Variants in KIZ observed in about 807,000 individuals in gnomAD.
The protein encoded by KIZ is centrosomal protein kizuna.
In KIZ, 68 loss-of-function variants were observed where a neutral mutation model predicts 79.6. The observed-to-expected ratio is 0.85, with a 90% CI of 0.70 to 1.05. The LOEUF (loss-of-function observed/expected upper bound fraction) is 1.05, where lower values mean the gene tolerates loss of function less well. KIZ is among the 50% of genes least tolerant of loss of function. The probability of loss-of-function intolerance (pLI) is 0.00; values close to 1 mark genes in which losing one functional copy is unlikely to be tolerated. For missense variants in KIZ, 797 were observed against 800.4 expected (o/e 1.00, Z 0.05); for synonymous variants, 280 against 281.8 (o/e 0.99, Z 0.06).
At position 21,164,080 on chromosome 20, in the gene KIZ, C is replaced by T. The variant is rs79960972; in HGVS notation, c.1352+921C>T. Among the ~76,000 whole-genome samples, 19 of 152,342 alleles carry T rather than the reference C, an allele frequency of 1.2e-4. No homozygotes were observed. In the South Asian group the frequency reaches 3.5e-3, roughly 28 times the overall value. ...GCCTGTCTGCCTGAATGTCACACCA[C>T]TGCCCCACCCCCAGAATTTTCTGTT... On this transcript the variant is annotated intron_variant, in intron 6 of 12. Coordinates refer to ENST00000619189, the MANE Select transcript of KIZ (RefSeq NM_018474.6).
chr20:21,224,492 G>A (rs2036599623), intron 9 of KIZ, among the ~76,000 whole-genome samples: 1 of 152,218 alleles, frequency 6.6e-6, no homozygotes, highest in Non-Finnish European at 1.5e-5. Flanking sequence ...GAGAAATTCA[G>A]TGGACAGAGA....
intron 4 of KIZ, 98 bp from the exon 5 acceptor site, chr20:21,161,773 G>T: frequency 1.3e-6 from 1 of 763,034 alleles, no homozygotes. Context: ...CAATAATCAT[G>T]CTTTGTTTGA....
In KIZ at chr20:21,168,594, T is replaced by C. The variant is rs189203846; in HGVS notation, c.1352+5435T>C. Reference sequence around the variant, plus strand: ...TTGGAAAAAACTACTTTAAAGTTCATATAGAACCAAAAGAGAGCCCGCATC... The same window carrying C: ...TTGGAAAAAACTACTTTAAAGTTCACATAGAACCAAAAGAGAGCCCGCATC... On this transcript the variant is annotated intron_variant, in intron 6 of 12. Transcript: ENST00000619189. Among the ~76,000 whole-genome samples the C allele has an allele frequency of 1.5e-3, 228 of 152,278 alleles. 1 individual carries two copies. The highest frequency in any genetic ancestry group is 2.7e-3 in the Non-Finnish European group (187 of 68,022).
In KIZ at chr20:21,130,313, G is replaced by A. The variant is rs143608093; in HGVS notation, c.90-1784G>A. On this transcript the variant is annotated intron_variant, in intron 1 of 12. Coordinates refer to ENST00000619189, the MANE Select transcript of KIZ (RefSeq NM_018474.6). ...GGTGTCTCATTACCAGACTGCAGTCGTGCTTTCTTAGGAATACAACAGAAA... is the reference window on the plus strand; with the variant it reads ...GGTGTCTCATTACCAGACTGCAGTCATGCTTTCTTAGGAATACAACAGAAA... 5.1e-3 allele frequency among the ~76,000 whole-genome samples: 772 copies of A among 152,252 alleles called. 10 individuals carry two copies. The highest frequency in any genetic ancestry group is 0.017 in the African/African-American group (701 of 41,532).
chr20:21,173,593 A>G (rs868556009), intron 6 of KIZ, among the ~76,000 whole-genome samples: 70 of 144,112 alleles, frequency 4.9e-4, no homozygotes, highest in Admixed American at 8.5e-4. Flanking sequence ...AAAAAAAAAA[A>G]AAAGAAAGAA....
At chr20:21,181,230 CAA>C (rs2034642123) in intron 6 of KIZ, among the ~76,000 whole-genome samples, 1 of 152,170 alleles carries the variant, frequency 6.6e-6, no homozygotes, top group African/African-American at 2.4e-5. Flanking sequence ...TCAGGGTCTG[CAA>C]AGTGTCTTTT....
chr20:21,213,331 C>T (rs2036151087), intron 7 of KIZ, among the ~76,000 whole-genome samples: 1 of 152,236 alleles, frequency 6.6e-6, no homozygotes, highest in Non-Finnish European at 1.5e-5. Flanking sequence ...GGAGTGTCTT[C>T]ACCTTGTTTC....
intron 3 of KIZ, among the ~76,000 whole-genome samples, chr20:21,143,809 A>G (rs1425687756): frequency 6.6e-6 from 1 of 152,164 alleles, no homozygotes; most frequent in African/African-American, 2.4e-5. Context: ...GCGCTGTGGA[A>G]AACTCCTGCT....
rs192323447 is a variant in KIZ, at chr20:21,176,198, T to G, written c.1352+13039T>G. ...GGTGGCGGGTGCCTGTAATTCCAGC[T>G]ACTTGAGAGGCTGAGGCACAAGAAT... On this transcript the variant is annotated intron_variant, in intron 6 of 12. Coordinates refer to ENST00000619189, the MANE Select transcript of KIZ (RefSeq NM_018474.6). Among the ~76,000 whole-genome samples the G allele has an allele frequency of 2.1e-3, 322 of 152,200 alleles. 1 individual carries two copies. Among genetic ancestry groups the G allele is most frequent in the African/African-American group, 7.4e-3 (309 of 41,522 alleles).
chr20:21,185,972 A>G (rs780099909), intron 6 of KIZ, among the ~76,000 whole-genome samples: 118 of 152,252 alleles, frequency 7.8e-4, no homozygotes, highest in East Asian at 5.8e-4. Context: ...CACCTGCTAT[A>G]TAGTTTGCCT....
At chr20:21,187,800 T>C (rs2034948271) in intron 6 of KIZ, among the ~76,000 whole-genome samples, 3 of 152,226 alleles carry the variant, frequency 2.0e-5, no homozygotes. Flanking sequence ...TAGAGTTTAA[T>C]GATAGAACTG....
intron 2 of KIZ, 95 bp downstream of exon 2, chr20:21,132,254 G>C: frequency 4.6e-6 from 3 of 649,988 alleles, no homozygotes; most frequent in Non-Finnish European, 7.9e-6. Flanking sequence ...TGTAGTTAGA[G>C]TACTGGGTTT....
chr20:21,221,317 G>T (rs2036495350), intron 9 of KIZ, among the ~76,000 whole-genome samples: 1 of 152,114 alleles, frequency 6.6e-6, no homozygotes, highest in Non-Finnish European at 1.5e-5. Context: ...GGCACAGAGT[G>T]GGCACTTAAT....
chr20:21,202,909 T>C (rs1280777310), intron 6 of KIZ, among the ~76,000 whole-genome samples: 1 of 152,220 alleles, frequency 6.6e-6, no homozygotes, highest in Non-Finnish European at 1.5e-5. Context: ...CTGCTCACAT[T>C]TCATCAGTCT....
chr20:21,204,879 T>A (rs1416891322), intron 6 of KIZ, among the ~76,000 whole-genome samples: 1 of 152,234 alleles, frequency 6.6e-6, no homozygotes, highest in Non-Finnish European at 1.5e-5. Flanking sequence ...GCTGTTGAGA[T>A]GAAAATGTGA....
chr20:21,245,794 C>T (rs1014430782), intron 12 of KIZ: 3 of 152,306 alleles, frequency 2.0e-5, no homozygotes, highest in Non-Finnish European at 4.4e-5. Context: ...GAGCAACCCT[C>T]AACCAACAGA....
In KIZ at chr20:21,162,285, C is replaced by G; in HGVS notation, c.820C>G (p.Leu274Val). The change falls in exon 5 of 13, where the codon CTC (leucine) becomes GTC (valine). Residue 274 changes from leucine (L) to valine (V), a missense_variant. By Grantham distance (32) the Leu-to-Val change is conservative (BLOSUM62 1). Coordinates refer to ENST00000619189, the MANE Select transcript of KIZ (RefSeq NM_018474.6). ...ATCTGAAGGCAAAAAGTCTGCTGAA[C>G]TCAATTCCCCGTTACGGGAAAGATT... ...NLSEGKKSAE[L>V]NSPLRERLSP... The G allele has an allele frequency of 6.2e-7, 1 of 1,613,850 alleles. No individual in the cohort carries two copies. The highest frequency in any genetic ancestry group is 1.1e-5 in the South Asian group (1 of 91,074).
Position 21,162,928 on chromosome 20 carries a change from C to T in KIZ, c.1121C>T (p.Thr374Ile). 6.2e-7 allele frequency: 1 copy of T among 1,613,558 alleles called. No individual in the cohort carries two copies. Among genetic ancestry groups the T allele is most frequent in the Non-Finnish European group, 8.5e-7 (1 of 1,179,676 alleles). The change falls in exon 6 of 13, where the codon ACC becomes ATC. Residue 374 changes from threonine to isoleucine, a missense_variant. By Grantham distance (89) the Thr-to-Ile change is moderately conservative (BLOSUM62 -1). Coordinates refer to ENST00000619189, the MANE Select transcript of KIZ (RefSeq NM_018474.6). ...MQEEEEESWSTSSDLTISISE... is the reference protein window; with the variant it reads ...MQEEEEESWSISSDLTISISE... Reference sequence around the variant, plus strand: ...GAAGAGGAGGAGGAAAGTTGGAGCACCAGCAGTGACCTTACCATTTCAATA... The same window carrying T: ...GAAGAGGAGGAGGAAAGTTGGAGCATCAGCAGTGACCTTACCATTTCAATA...
At chr20:21,225,477 C>G (rs1177118634) in intron 9 of KIZ, among the ~76,000 whole-genome samples, 1 of 152,194 alleles carries the variant, frequency 6.6e-6, no homozygotes, top group East Asian at 1.9e-4. Flanking sequence ...AGCAACCACC[C>G]AATCCTCAAA....
Sources: gnomAD v4.1 joint callset for allele counts (sites outside exome capture counted in the v4.1 genomes callset) on GRCh38, gnomAD v4.1.1 for gene constraint, MANE v1.5 for transcripts, NCBI Gene and HGNC (gene_info 2026-07-23, HGNC 2026-07-21) for gene names.